The following CLDN23 variants were observed in gnomAD, a reference collection of about 807,000 sequenced individuals.
The protein encoded by CLDN23 is claudin 23.
A neutral mutation model predicts 1.4 loss-of-function variants in CLDN23; 3 were observed. That is an observed-to-expected ratio of 2.10 (90% CI 0.96 to 5.43). CLDN23 has a LOEUF of 5.43. Among genes scored for constraint, CLDN23 ranks in the 30% most tolerant of loss-of-function variants. CLDN23 has a pLI of 0.02. For synonymous variants in CLDN23, 291 were observed against 209.9 expected (o/e 1.39, Z -3.34); for missense variants, 597 against 433.5 (o/e 1.38, Z -3.35).
In CLDN23 at chr8:8,703,011, G is replaced by T; in HGVS notation, c.613G>T (p.Val205Phe). Residue 205 changes from valine (V) to phenylalanine (F), a missense_variant, in exon 1 of 1, where the codon GTC becomes TTC. Physicochemically the swap from Val to Phe is conservative, Grantham distance 50. Coordinates refer to ENST00000519106, the MANE Select transcript of CLDN23 (RefSeq NM_194284.3). ...CTCCGCCGGGCCTCGCCGCAGCAGC[G>T]TCAGCACCATCCAAGTGGAGTGGCC... ...GPSAGPRRSS[V>F]STIQVEWPEP... 6.4e-7 allele frequency: 1 copy of T among 1,561,526 alleles called. No homozygotes were observed. Among genetic ancestry groups the T allele is most frequent in the Non-Finnish European group, 8.6e-7 (1 of 1,159,966 alleles).
In CLDN23 at chr8:8,702,589, G is replaced by A; in HGVS notation, c.191G>A (p.Gly64Asp). 3 of 1,609,154 alleles carry A rather than the reference G, an allele frequency of 1.9e-6. No individual in the cohort carries two copies. The South Asian group carries it at 3.3e-5, about 18-fold the overall frequency. The change falls in exon 1 of 1, where the codon GGC (glycine) becomes GAC (aspartate). Residue 64 changes from glycine to aspartate, a missense_variant. Gly to Asp is a moderately conservative substitution (Grantham distance 94). Transcript: ENST00000519106. ...REQSSREREC[G>D]QTDQWGYFEA... Reference sequence around the variant, plus strand: ...CAGAGCAGCCGCGAGCGCGAGTGCGGCCAGACGGACCAGTGGGGCTACTTC... The same window carrying A: ...CAGAGCAGCCGCGAGCGCGAGTGCGACCAGACGGACCAGTGGGGCTACTTC...
In CLDN23 at chr8:8,702,263, ACCC is replaced by A; in HGVS notation, c.-135_-133del. 3.1e-6 allele frequency: 3 copies of A among 955,694 alleles called. No individual in the cohort carries two copies. The highest frequency in any genetic ancestry group is 4.5e-6 in the Non-Finnish European group (3 of 674,032). 59.2% of individuals were successfully genotyped at this position (955,694 alleles called of 1,614,324 possible). ...GGAGCGATCAGGGCTCAGGAGCCCG[ACCC>A]GGAGCCCGGGGCGTCCGCGCTGACT... On this transcript the variant is annotated 5_prime_UTR_variant, in exon 1 of 1. Coordinates refer to ENST00000519106, the MANE Select transcript of CLDN23 (RefSeq NM_194284.3).
At position 8,701,969 on chromosome 8, in the gene CLDN23, G is replaced by C. The variant is rs908356805; in HGVS notation, c.-430G>C. ...GCCCAGCCGCCCGGCTGCAAGGTGG[G>C]GTGTCCCCGCCGCTCGGATCCCCAT... On this transcript the variant is annotated 5_prime_UTR_variant, in exon 1 of 1. Transcript: ENST00000519106. 1.3e-5 allele frequency: 2 copies of C among 154,462 alleles called. No individual in the cohort carries two copies. Among genetic ancestry groups the C allele is most frequent in the Non-Finnish European group, 2.9e-5 (2 of 69,866 alleles). The allele number at this position is 154,462 out of a possible 1,614,324, so 9.6% of individuals were successfully genotyped here.
In CLDN23 at chr8:8,702,204, G is replaced by C; in HGVS notation, c.-195G>C. 4.2e-6 allele frequency: 2 copies of C among 480,112 alleles called. No individual in the cohort carries two copies. Among genetic ancestry groups the C allele is most frequent in the Non-Finnish European group, 7.0e-6 (2 of 284,548 alleles). 29.7% of individuals were successfully genotyped at this position (480,112 alleles called of 1,614,324 possible). On this transcript the variant is annotated 5_prime_UTR_variant, in exon 1 of 1. Transcript: ENST00000519106. ...CCAGGAGGGAACTAGCCTAAGTGGGGACGGTCCCCGTGCAGGAGACAAAGA... is the reference window on the plus strand; with the variant it reads ...CCAGGAGGGAACTAGCCTAAGTGGGCACGGTCCCCGTGCAGGAGACAAAGA...
At position 8,702,441 on chromosome 8, in the gene CLDN23, C is replaced by A. The variant is rs1250056227; in HGVS notation, c.43C>A (p.Pro15Thr). ...GATGACGCTGGGCATGGTGTTGGCG[C>A]CCTGCGGGCTCCTGCTCAACCTGAC... Reference protein sequence around the residue: ...VVMTLGMVLAPCGLLLNLTGT... With the variant: ...VVMTLGMVLATCGLLLNLTGT... Residue 15 changes from proline to threonine, a missense_variant, in exon 1 of 1, where the codon CCC becomes ACC. Transcript: ENST00000519106. 1.3e-6 allele frequency: 2 copies of A among 1,583,550 alleles called. No homozygotes were observed. Among genetic ancestry groups the A allele is most frequent in the Non-Finnish European group, 8.6e-7 (1 of 1,166,674 alleles).
In CLDN23 at chr8:8,702,269, AGCCCGGG is replaced by A; in HGVS notation, c.-127_-121del. The A allele has an allele frequency of 9.8e-7, 1 of 1,015,616 alleles. No homozygotes were observed. The allele number at this position is 1,015,616 out of a possible 1,614,324, so 62.9% of individuals were successfully genotyped here. A position where few individuals can be genotyped will look rare whatever the true frequency, so the allele number is the denominator to read the frequency against. ...ATCAGGGCTCAGGAGCCCGACCCGG[AGCCCGGG>A]GCGTCCGCGCTGACTTCGGGTCCCC... On this transcript the variant is annotated 5_prime_UTR_variant, in exon 1 of 1. Coordinates refer to ENST00000519106, the MANE Select transcript of CLDN23 (RefSeq NM_194284.3).
Position 8,703,496 on chromosome 8 carries a change from C to G in CLDN23, c.*219C>G, listed in dbSNP as rs1802820067. On this transcript the variant is annotated 3_prime_UTR_variant, in exon 1 of 1. Coordinates refer to ENST00000519106, the MANE Select transcript of CLDN23 (RefSeq NM_194284.3). The stretch of plus-strand genomic sequence containing the variant: ...TCCTCTCCAGAGGGATCAGGGTCCT[C>G]TTAGGGAGTGACGGGCTTTTCATAT... The G allele has an allele frequency of 4.7e-6, 2 of 426,824 alleles. No homozygotes were observed. Among genetic ancestry groups the G allele is most frequent in the Non-Finnish European group, 8.3e-6 (2 of 240,722 alleles). The allele number at this position is 426,824 out of a possible 1,614,324, so 26.4% of individuals were successfully genotyped here.
Position 8,703,300 on chromosome 8 carries a change from G to A in CLDN23, c.*23G>A. 1.5e-6 allele frequency: 2 copies of A among 1,362,926 alleles called. No individual in the cohort carries two copies. Among genetic ancestry groups the A allele is most frequent in the African/African-American group, 1.5e-5 (1 of 65,494 alleles). The allele number at this position is 1,362,926 out of a possible 1,614,324, so 84.4% of individuals were successfully genotyped here. A position where few individuals can be genotyped will look rare whatever the true frequency, so the allele number is the denominator to read the frequency against. On this transcript the variant is annotated 3_prime_UTR_variant, in exon 1 of 1. Transcript: ENST00000519106. The stretch of plus-strand genomic sequence containing the variant: ...TAGACGCTTGTAGAGCCTGGGGGGC[G>A]CCGGGTGGCAAAGGACTCACCCCCG...
In CLDN23 at chr8:8,703,518, A is replaced by G; in HGVS notation, c.*241A>G. ...CCTCTTAGGGAGTGACGGGCTTTTC[A>G]TATATTTTTGCTGAAGAATATATGG... On this transcript the variant is annotated 3_prime_UTR_variant, in exon 1 of 1. Coordinates refer to ENST00000519106, the MANE Select transcript of CLDN23 (RefSeq NM_194284.3). The G allele has an allele frequency of 5.0e-6, 2 of 402,828 alleles. No homozygotes were observed. Among genetic ancestry groups the G allele is most frequent in the Non-Finnish European group, 4.5e-6 (1 of 222,174 alleles). The allele number at this position is 402,828 out of a possible 1,614,324, so 25.0% of individuals were successfully genotyped here. A position where few individuals can be genotyped will look rare whatever the true frequency, so the allele number is the denominator to read the frequency against.
rs987728144 is a variant in CLDN23, at chr8:8,703,519, T to C, written c.*242T>C. The C allele has an allele frequency of 2.5e-5, 10 of 401,776 alleles. No individual in the cohort carries two copies. The highest frequency in any genetic ancestry group is 6.2e-5 in the African/African-American group (3 of 48,468). 24.9% of individuals were successfully genotyped at this position (401,776 alleles called of 1,614,324 possible). Reference sequence around the variant, plus strand: ...CTCTTAGGGAGTGACGGGCTTTTCATATATTTTTGCTGAAGAATATATGGA... The same window carrying C: ...CTCTTAGGGAGTGACGGGCTTTTCACATATTTTTGCTGAAGAATATATGGA... On this transcript the variant is annotated 3_prime_UTR_variant, in exon 1 of 1. Coordinates refer to ENST00000519106, the MANE Select transcript of CLDN23 (RefSeq NM_194284.3).
Position 8,702,919 on chromosome 8 carries a change from G to T in CLDN23, c.521G>T (p.Gly174Val). 6.4e-7 allele frequency: 1 copy of T among 1,568,398 alleles called. No individual in the cohort carries two copies. Residue 174 changes from glycine to valine, a missense_variant, in exon 1 of 1, where the codon GGC becomes GTC. Coordinates refer to ENST00000519106, the MANE Select transcript of CLDN23 (RefSeq NM_194284.3). The part of the protein sequence containing the change: ...YLGSCLLLLG[G>V]FSLALSFAPW... ...GGCAGCTGCCTCCTGCTGCTGGGCG[G>T]CTTCTCGCTGGCGCTCAGCTTCGCG... is the stretch of plus-strand genomic sequence containing the variant.
In CLDN23 at chr8:8,702,361, G is replaced by A. The variant is rs375802466; in HGVS notation, c.-38G>A. The A allele has an allele frequency of 2.4e-5, 36 of 1,478,536 alleles. No individual in the cohort carries two copies. In the East Asian group the frequency reaches 2.4e-4, roughly 10 times the overall value. 91.6% of individuals were successfully genotyped at this position (1,478,536 alleles called of 1,614,324 possible). A position where few individuals can be genotyped will look rare whatever the true frequency, so the allele number is the denominator to read the frequency against. On this transcript the variant is annotated 5_prime_UTR_variant, in exon 1 of 1. Coordinates refer to ENST00000519106, the MANE Select transcript of CLDN23 (RefSeq NM_194284.3). ...GGAGAAGGCGACAGCGGAGAAGGAA[G>A]GCAGGCTGCAGGGGCGCCGTCGGCG...
rs567277216 is a variant in CLDN23, at chr8:8,703,522, A to T, written c.*245A>T. 5.5e-5 allele frequency: 22 copies of T among 396,778 alleles called. No individual in the cohort carries two copies. Among genetic ancestry groups the T allele is most frequent in the African/African-American group, 3.5e-4 (17 of 48,342 alleles). The allele number at this position is 396,778 out of a possible 1,614,324, so 24.6% of individuals were successfully genotyped here. On this transcript the variant is annotated 3_prime_UTR_variant, in exon 1 of 1. Coordinates refer to ENST00000519106, the MANE Select transcript of CLDN23 (RefSeq NM_194284.3). ...TTAGGGAGTGACGGGCTTTTCATATATTTTTGCTGAAGAATATATGGAAAG... is the reference window on the plus strand; with the variant it reads ...TTAGGGAGTGACGGGCTTTTCATATTTTTTTGCTGAAGAATATATGGAAAG...
chr8:8,703,157 GC>G lies in CLDN23; in HGVS notation c.762del (p.Lys255ArgfsTer42). ...KVGFPMPRPR[P>X]KAYTNSVDVL... Reference sequence around the variant, plus strand: ...TCGGCTTCCCCATGCCGCGGCCGCGGCCCAAGGCCTACACCAACTCGGTGGA... The same window carrying G: ...TCGGCTTCCCCATGCCGCGGCCGCGGCCAAGGCCTACACCAACTCGGTGGA... On this transcript the variant is annotated frameshift_variant, in exon 1 of 1. Coordinates refer to ENST00000519106, the MANE Select transcript of CLDN23 (RefSeq NM_194284.3). LOFTEE classifies it low-confidence loss of function (END_TRUNC). The G allele has an allele frequency of 6.5e-7, 1 of 1,535,022 alleles. No individual in the cohort carries two copies. The highest frequency in any genetic ancestry group is 8.7e-7 in the Non-Finnish European group (1 of 1,148,336).
At position 8,702,543 on chromosome 8, in the gene CLDN23, C is replaced by A; in HGVS notation, c.145C>A (p.Leu49Met). The change falls in exon 1 of 1, where the codon CTG becomes ATG. Residue 49 changes from leucine (L) to methionine (M), a missense_variant. By Grantham distance (15) the Leu-to-Met change is conservative. Coordinates refer to ENST00000519106, the MANE Select transcript of CLDN23 (RefSeq NM_194284.3). ...AGTGGACGTGGAGTTGTACCAGGGC[C>A]TGTGGGACATGTGTCGCGAGCAGAG... ...QPVDVELYQG[L>M]WDMCREQSSR... The A allele has an allele frequency of 1.2e-6, 2 of 1,611,966 alleles. No homozygotes were observed. The highest frequency in any genetic ancestry group is 8.5e-7 in the Non-Finnish European group (1 of 1,179,316).
In CLDN23 at chr8:8,702,599, C is replaced by T. The variant is rs1802766088; in HGVS notation, c.201C>T (p.Asp67=). 6.2e-7 allele frequency: 1 copy of T among 1,607,702 alleles called. No homozygotes were observed. Residue 67 remains aspartate (D), a synonymous_variant, in exon 1 of 1, where the codon GAC becomes GAT. Transcript: ENST00000519106. ...SSRERECGQT[D]QWGYFEAQPV... ...GCGAGCGCGAGTGCGGCCAGACGGA[C>T]CAGTGGGGCTACTTCGAGGCCCAGC...
At position 8,703,421 on chromosome 8, in the gene CLDN23, G is replaced by C. The variant is rs1802816933; in HGVS notation, c.*144G>C. 1.6e-5 allele frequency: 12 copies of C among 769,764 alleles called. No homozygotes were observed. Among genetic ancestry groups the C allele is most frequent in the Non-Finnish European group, 2.2e-5 (12 of 548,550 alleles). 47.7% of individuals were successfully genotyped at this position (769,764 alleles called of 1,614,324 possible). A position where few individuals can be genotyped will look rare whatever the true frequency, so the allele number is the denominator to read the frequency against. On this transcript the variant is annotated 3_prime_UTR_variant, in exon 1 of 1. Transcript: ENST00000519106. ...TTCGTGGGACCAAACAGGACTCCTTGGACGATTAGTTCAGGTTGGGTTTGG... is the reference window on the plus strand; with the variant it reads ...TTCGTGGGACCAAACAGGACTCCTTCGACGATTAGTTCAGGTTGGGTTTGG...
chr8:8,703,298 G>A lies in CLDN23; in HGVS notation c.*21G>A. ...TCTAGACGCTTGTAGAGCCTGGGGG[G>A]CGCCGGGTGGCAAAGGACTCACCCC... On this transcript the variant is annotated 3_prime_UTR_variant, in exon 1 of 1. Transcript: ENST00000519106. 9 of 1,363,390 alleles carry A rather than the reference G, an allele frequency of 6.6e-6. No homozygotes were observed. Among genetic ancestry groups the A allele is most frequent in the Non-Finnish European group, 7.6e-6 (8 of 1,052,908 alleles). 84.5% of individuals were successfully genotyped at this position (1,363,390 alleles called of 1,614,324 possible).
rs946626212 is a variant in CLDN23, at chr8:8,703,872, T to A, written c.*595T>A. 6.4e-6 allele frequency: 1 copy of A among 156,808 alleles called. No individual in the cohort carries two copies. The highest frequency in any genetic ancestry group is 1.6e-5 in the Non-Finnish European group (1 of 64,276). 9.7% of individuals were successfully genotyped at this position (156,808 alleles called of 1,614,324 possible). A position where few individuals can be genotyped will look rare whatever the true frequency, so the allele number is the denominator to read the frequency against. ...ATTGCATAAATGGGATTTATCTTTTTTCTCACTTATTTTTGCGGTGAAAGT... is the reference window on the plus strand; with the variant it reads ...ATTGCATAAATGGGATTTATCTTTTATCTCACTTATTTTTGCGGTGAAAGT... On this transcript the variant is annotated 3_prime_UTR_variant, in exon 1 of 1. Transcript: ENST00000519106.
Sources: allele counts gnomAD v4.1 joint callset, GRCh38; gene constraint gnomAD v4.1.1; transcripts MANE v1.5; gene names NCBI Gene and HGNC (gene_info 2026-07-23, HGNC 2026-07-21).